The following CLCN5 variants were observed in gnomAD, a reference collection of about 807,000 sequenced individuals.
The protein encoded by CLCN5 is H(+)/Cl(-) exchange transporter 5.
In CLCN5, 17 loss-of-function variants were observed where a neutral mutation model predicts 54.0. The observed-to-expected ratio is 0.31, with a 90% CI of 0.22 to 0.47. CLCN5 has a LOEUF of 0.47. Ranked by LOEUF, CLCN5 falls within the 20% of genes least tolerant of loss-of-function variation. The pLI, the probability that CLCN5 is intolerant of heterozygous loss-of-function variation, is 1.00. For synonymous variants in CLCN5, 222 were observed against 233.0 expected, an observed-to-expected ratio of 0.95 and a Z score of 0.43; for missense variants, 448 against 646.7, an observed-to-expected ratio of 0.69 and a Z score of 3.33.
At chrX:49,940,239 G>C (rs1340286707) in intron 3 of CLCN5, among the ~76,000 whole-genome samples, 3 of 111,878 alleles carry the variant, frequency 2.7e-5, no homozygotes, top group Non-Finnish European at 5.6e-5. Flanking sequence ...AAGTGTCCTG[G>C]TTTTGACAAT....
chrX:49,931,809 G>A (rs1486555292), intron 3 of CLCN5, among the ~76,000 whole-genome samples: 5 of 105,891 alleles, frequency 4.7e-5, no homozygotes, highest in Admixed American at 4.1e-4. Flanking sequence ...CCAGCTACTC[G>A]GGTGGCTGAC....
chrX:50,059,230 T>G (rs1932812816), intron 4 of CLCN5, among the ~76,000 whole-genome samples: 1 of 112,138 alleles, frequency 8.9e-6, no homozygotes, highest in Non-Finnish European at 1.9e-5. Context: ...ATAGTAGCAA[T>G]GGCTGTCATC....
intron 3 of CLCN5, among the ~76,000 whole-genome samples, chrX:49,981,108 G>C (rs1343612951): frequency 9.0e-6 from 1 of 111,389 alleles, no homozygotes; most frequent in Non-Finnish European, 1.9e-5. Flanking sequence ...CACACATTGA[G>C]TGTAAATGCA....
At chrX:50,029,301 C>A (rs186652192) in intron 3 of CLCN5, among the ~76,000 whole-genome samples, 1 of 96,947 alleles carries the variant, frequency 1.0e-5, no homozygotes, top group Non-Finnish European at 2.1e-5. Context: ...ATCTCTCCCC[C>A]CTCCCCCGAC....
intron 3 of CLCN5, among the ~76,000 whole-genome samples, chrX:49,994,600 A>G (rs901811256): frequency 5.4e-5 from 6 of 111,771 alleles, no homozygotes; most frequent in Admixed American, 9.5e-5. Flanking sequence ...TTTGCCATGC[A>G]AAGTTAGAAT....
At chrX:49,926,647 G>A (rs1038057798) in intron 3 of CLCN5, among the ~76,000 whole-genome samples, 3 of 111,935 alleles carry the variant, frequency 2.7e-5, no homozygotes, top group South Asian at 3.8e-4. Flanking sequence ...GTGTAGGGGC[G>A]CGACCTCAGA....
At chrX:50,042,554 C>A in intron 4 of CLCN5, 92 bp downstream of exon 4, 1 of 593,910 alleles carries the variant, frequency 1.7e-6, no homozygotes, top group Non-Finnish European at 2.4e-6. Context: ...TTCTAGCACA[C>A]AGTCCTGTGA....
At chrX:49,996,241 T>C (rs1239541490) in intron 3 of CLCN5, among the ~76,000 whole-genome samples, 1 of 112,068 alleles carries the variant, frequency 8.9e-6, no homozygotes, top group African/African-American at 3.2e-5. Context: ...TAGGATGAAT[T>C]ACCAGTTTCT....
intron 3 of CLCN5, among the ~76,000 whole-genome samples, chrX:49,926,831 GAGTC>G (rs1331413643): frequency 8.9e-6 from 1 of 112,243 alleles, no homozygotes; most frequent in Admixed American, 9.4e-5. Context: ...TGAAAACTGG[GAGTC>G]AGTCAGGAGG....
chrX:50,010,888 T>A (rs1393214144), intron 3 of CLCN5: 1 of 98,171 alleles, frequency 1.0e-5, no homozygotes, highest in African/African-American at 3.9e-5. Context: ...CATATCTGGT[T>A]CCCTACCTTC....
At chrX:49,965,981 A>G (rs1927824968) in intron 3 of CLCN5, among the ~76,000 whole-genome samples, 1 of 111,441 alleles carries the variant, frequency 9.0e-6, no homozygotes, top group African/African-American at 3.3e-5. Flanking sequence ...TCGGCTTTAT[A>G]TATTGTTGGA....
At position 50,086,702 on chromosome X, in the gene CLCN5, C is replaced by G; in HGVS notation, c.1389C>G (p.Gly463=). The change falls in exon 11 of 15, where the codon GGC becomes GGG. Residue 463 remains glycine (G), a synonymous_variant. Transcript: ENST00000376091. ...TTTCTGAGCTGTTTAATGACTGTGG[C>G]CTTCTGGACTCCTCCAAGCTCTGTG... ...ELISELFNDC[G]LLDSSKLCDY... 1 of 1,211,059 alleles carries G rather than the reference C, an allele frequency of 8.3e-7. No homozygotes were observed. The highest frequency in any genetic ancestry group is 1.8e-5 in the South Asian group (1 of 56,923).
At chrX:49,970,544 A>C (rs1216106758) in intron 3 of CLCN5, among the ~76,000 whole-genome samples, 1 of 111,543 alleles carries the variant, frequency 9.0e-6, no homozygotes, top group Non-Finnish European at 1.9e-5. Context: ...ATTTTTTTCA[A>C]AGTTCATCTA....
chrX:50,014,401 G>A (rs1329236312), intron 3 of CLCN5, among the ~76,000 whole-genome samples: 2 of 112,271 alleles, frequency 1.8e-5, no homozygotes, highest in African/African-American at 6.5e-5. Flanking sequence ...CAAAGAATAT[G>A]TGTAGGAGAC....
At chrX:49,932,193 G>A (rs1234211234) in intron 3 of CLCN5, among the ~76,000 whole-genome samples, 1 of 111,902 alleles carries the variant, frequency 8.9e-6, no homozygotes, top group Non-Finnish European at 1.9e-5. Flanking sequence ...AGGGATTACA[G>A]GCATGAGCCA....
intron 3 of CLCN5, among the ~76,000 whole-genome samples, chrX:49,950,287 G>T (rs1926979930): frequency 8.9e-6 from 1 of 112,065 alleles, no homozygotes; most frequent in Admixed American, 9.5e-5. Context: ...AGACAACTAT[G>T]TAAAAGACAG....
At chrX:50,035,124 C>A (rs1265421872) in intron 3 of CLCN5, among the ~76,000 whole-genome samples, 1 of 110,981 alleles carries the variant, frequency 9.0e-6, no homozygotes, top group African/African-American at 3.3e-5. Context: ...GGAATACCCT[C>A]TCTCCTCCCT....
chrX:50,062,376 G>C (rs1932869952), intron 4 of CLCN5, among the ~76,000 whole-genome samples: 1 of 56,377 alleles, frequency 1.8e-5, no homozygotes, highest in Non-Finnish European at 3.1e-5. Context: ...TGATAAAACA[G>C]ACTTTAAACC....
intron 3 of CLCN5, among the ~76,000 whole-genome samples, chrX:49,992,450 C>A (rs1557179122): frequency 9.0e-6 from 1 of 110,748 alleles, no homozygotes; most frequent in African/African-American, 3.3e-5. Context: ...TTAATCATTA[C>A]CCCTGTTAAA....
Sources: gnomAD v4.1 joint callset for allele counts (sites outside exome capture counted in the v4.1 genomes callset) on GRCh38, gnomAD v4.1.1 for gene constraint, MANE v1.5 for transcripts, NCBI Gene and HGNC (gene_info 2026-07-23, HGNC 2026-07-21) for gene names.